The following TNFRSF11B variants were observed in gnomAD, a reference collection of about 807,000 sequenced individuals.
The protein encoded by TNFRSF11B is tumor necrosis factor receptor superfamily member 11B.
A neutral mutation model predicts 43.4 loss-of-function variants in TNFRSF11B; 16 were observed. The observed-to-expected ratio is 0.37, with a 90% CI of 0.25 to 0.56. The LOEUF is 0.56. TNFRSF11B is among the 20% of genes least tolerant of loss of function. The pLI is 0.80. For synonymous variants in TNFRSF11B, 185 were observed against 181.8 expected (o/e 1.02, Z -0.14); for missense variants, 444 against 490.1 (o/e 0.91, Z 0.89).
At chr8:118,930,188 T>C (rs1812306121) in intron 2 of TNFRSF11B, among the ~76,000 whole-genome samples, 1 of 152,206 alleles carries the variant, frequency 6.6e-6, no homozygotes, top group African/African-American at 2.4e-5. Context: ...GTTTTCTGTT[T>C]GTGTGTTTGT....
intron 1 of TNFRSF11B, among the ~76,000 whole-genome samples, chr8:118,942,930 T>C (rs1812508694): frequency 6.6e-6 from 1 of 152,068 alleles, no homozygotes; most frequent in Non-Finnish European, 1.5e-5. Context: ...CCTTCCTACC[T>C]ACCTACCTAT....
chr8:118,945,276 T>TTG (rs11573841), intron 1 of TNFRSF11B, among the ~76,000 whole-genome samples: 11,279 of 149,614 alleles, frequency 0.075, 550 homozygotes, highest in Middle Eastern at 0.18. Context: ...TAATGCACAA[T>TTG]TGTGTGTGTG....
intron 1 of TNFRSF11B, among the ~76,000 whole-genome samples, chr8:118,943,448 T>G (rs191123853): frequency 6.6e-5 from 10 of 152,226 alleles, no homozygotes; most frequent in African/African-American, 2.4e-4. Context: ...TGTGGAAAAC[T>G]CTGGGTTCAG....
In TNFRSF11B at chr8:118,926,718, T is replaced by C; in HGVS notation, c.593A>G (p.Asp198Gly). 1.2e-6 allele frequency: 2 copies of C among 1,612,984 alleles called. No individual in the cohort carries two copies. Among genetic ancestry groups the C allele is most frequent in the Non-Finnish European group, 1.7e-6 (2 of 1,179,344 alleles). ...GAATGCCTCCTCACACAGGGTAACA[T>C]CTAAAGAAAGGTTAGAAAACCCAGA... The part of the protein sequence containing the change: ...NSESTQKCGI[D>G]VTLCEEAFFR... The change falls in exon 4 of 5, where the codon GAT (aspartate) becomes GGT (glycine). Residue 198 changes from aspartate to glycine, a missense_variant and splice_region_variant. Asp to Gly is a moderately conservative substitution (Grantham distance 94, BLOSUM62 -1). Transcript: ENST00000297350.
intron 3 of TNFRSF11B, 151 bp from the exon 4 acceptor site, chr8:118,926,869 G>A (rs1563688410): frequency 1.2e-6 from 1 of 849,612 alleles, no homozygotes; most frequent in Non-Finnish European, 1.9e-6. Flanking sequence ...TCAAGCTTCT[G>A]TTGGCTGGTC....
At chr8:118,927,599 G>A (rs1271021092) in intron 3 of TNFRSF11B, among the ~76,000 whole-genome samples, 1 of 120,698 alleles carries the variant, frequency 8.3e-6, no homozygotes, top group South Asian at 2.6e-4. Flanking sequence ...AAAATGGCTT[G>A]TCTATGATTT....
rs369130157 is a variant in TNFRSF11B at position 118,926,729 on chromosome 8, G to A, written c.593-11C>T. 3 of 1,608,704 alleles carry A rather than the reference G, an allele frequency of 1.9e-6. No individual in the cohort carries two copies. The highest frequency in any genetic ancestry group is 2.7e-5 in the African/African-American group (2 of 74,948). ...CACACAGGGTAACATCTAAAGAAAG[G>A]TTAGAAAACCCAGAAGATTTACTCA... On this transcript the variant is annotated splice_polypyrimidine_tract_variant and intron_variant, in intron 3 of 4. Transcript: ENST00000297350.
intron 1 of TNFRSF11B, among the ~76,000 whole-genome samples, chr8:118,941,584 TTTAAA>T: frequency 6.6e-6 from 1 of 152,326 alleles, no homozygotes; most frequent in African/African-American, 2.4e-5. Flanking sequence ...TCTGAAGGCT[TTTAAA>T]TTAATTAGCA....
intron 2 of TNFRSF11B, among the ~76,000 whole-genome samples, chr8:118,931,254 A>G (rs1812324489): frequency 6.6e-6 from 1 of 152,180 alleles, no homozygotes; most frequent in African/African-American, 2.4e-5. Context: ...CTTATTTCCC[A>G]AGAGGAACTG....
At position 118,926,612 on chromosome 8, in the gene TNFRSF11B, G is replaced by T. The variant is rs150457771; in HGVS notation, c.699C>A (p.Asn233Lys). Residue 233 changes from asparagine to lysine, a missense_variant, in exon 4 of 5, where the codon AAC (asparagine) becomes AAA (lysine). Transcript: ENST00000297350. The stretch of plus-strand genomic sequence containing the variant: ...GTTTTATCCTCTCTACACTCTCTGC[G>T]TTTACTTTGGTGCCAGGCAAATTGT... ...LVDNLPGTKV[N>K]AESVERIKRQ... is the part of the protein sequence containing the mutation. 1.9e-5 allele frequency: 30 copies of T among 1,613,882 alleles called. No individual in the cohort carries two copies. Among genetic ancestry groups the T allele is most frequent in the Non-Finnish European group, 2.5e-5 (29 of 1,179,982 alleles).
chr8:118,939,369 A>T (rs1812446662), intron 1 of TNFRSF11B, among the ~76,000 whole-genome samples: 1 of 152,198 alleles, frequency 6.6e-6, no homozygotes, highest in Non-Finnish European at 1.5e-5. Flanking sequence ...TGCATCCAAA[A>T]ACCCATTCTG....
At chr8:118,930,434 G>T (rs1247557198) in intron 2 of TNFRSF11B, 2 of 154,850 alleles carry the variant, frequency 1.3e-5, no homozygotes, top group Admixed American at 1.3e-4. Flanking sequence ...CGGCAGGGAC[G>T]GAGTCTCATC....
At chr8:118,930,636 T>C in intron 2 of TNFRSF11B, 2 of 352,788 alleles carry the variant, frequency 5.7e-6, no homozygotes, top group Non-Finnish European at 1.2e-5. Context: ...GGTCTTGAAC[T>C]CCTGACCTCA....
chr8:118,950,723 C>T (rs1295279913), intron 1 of TNFRSF11B, among the ~76,000 whole-genome samples: 1 of 152,168 alleles, frequency 6.6e-6, no homozygotes, highest in Non-Finnish European at 1.5e-5. Context: ...TATATTTTAA[C>T]ATACTTATGG....
chr8:118,945,604 A>AT (rs1812550458), intron 1 of TNFRSF11B, among the ~76,000 whole-genome samples: 1 of 152,136 alleles, frequency 6.6e-6, no homozygotes, highest in Non-Finnish European at 1.5e-5. Flanking sequence ...GTTAAATTAC[A>AT]TTTTTTGGTG....
In TNFRSF11B at chr8:118,924,773, C is replaced by A. The variant is rs370527215; in HGVS notation, c.818-11G>T. Reference sequence around the variant, plus strand: ...CACAGAGGTCAATATCTGCATAAAGCAAAAGCCCAGATAAGTGTTCACATC... The same window carrying A: ...CACAGAGGTCAATATCTGCATAAAGAAAAAGCCCAGATAAGTGTTCACATC... On this transcript the variant is annotated splice_polypyrimidine_tract_variant and intron_variant, in intron 4 of 4. Coordinates refer to ENST00000297350, the MANE Select transcript of TNFRSF11B (RefSeq NM_002546.4). The A allele has an allele frequency of 1.9e-6, 3 of 1,614,000 alleles. No individual in the cohort carries two copies. Among genetic ancestry groups the A allele is most frequent in the Non-Finnish European group, 2.5e-6 (3 of 1,180,006 alleles).
Position 118,926,474 on chromosome 8 carries a change from T to C in TNFRSF11B, c.817+20A>G. ...GTGTCTTTGATTTCTGATTGATCTT[T>C]TTATTTTAGATTATCATACCTTGGA... is the stretch of plus-strand genomic sequence containing the variant. On this transcript the variant is annotated intron_variant, in intron 4 of 4. Transcript: ENST00000297350. 1 of 1,598,716 alleles carries C rather than the reference T, an allele frequency of 6.3e-7. No homozygotes were observed. Among genetic ancestry groups the C allele is most frequent in the Non-Finnish European group, 8.6e-7 (1 of 1,166,464 alleles).
chr8:118,951,722 G>A (rs1812649308), intron 1 of TNFRSF11B, 70 bp downstream of exon 1: 1 of 1,448,742 alleles, frequency 6.9e-7, no homozygotes, highest in Admixed American at 1.9e-5. Flanking sequence ...GGTCCGCTGG[G>A]AGGTTGGGAG....
At chr8:118,945,000 T>C (rs1315012357) in intron 1 of TNFRSF11B, among the ~76,000 whole-genome samples, 1 of 152,084 alleles carries the variant, frequency 6.6e-6, no homozygotes, top group Non-Finnish European at 1.5e-5. Context: ...AGAATGTGTC[T>C]CAGAATGAGA....
Sources: gnomAD v4.1 joint callset for allele counts (sites outside exome capture counted in the v4.1 genomes callset) on GRCh38, gnomAD v4.1.1 for gene constraint, MANE v1.5 for transcripts, NCBI Gene and HGNC (gene_info 2026-07-23, HGNC 2026-07-21) for gene names.